Variants in SNX30 observed in about 807,000 individuals in gnomAD.
SNX30 encodes the protein sorting nexin-30.
In SNX30, 24 loss-of-function variants were observed where a neutral mutation model predicts 46.4. The ratio of observed to expected loss-of-function variants is 0.52; its 90% CI spans 0.37 to 0.73. The LOEUF (loss-of-function observed/expected upper bound fraction) is 0.73. SNX30 is among the 30% of genes least tolerant of loss of function. The pLI is 0.00. For missense variants in SNX30, 533 were observed against 555.7 expected (o/e 0.96, Z 0.41); for synonymous variants, 189 against 211.5 (o/e 0.89, Z 0.92).
At chr9:112,861,457 C>T (rs1841230349) in intron 7 of SNX30, among the ~76,000 whole-genome samples, 1 of 152,202 alleles carries the variant, frequency 6.6e-6, no homozygotes, top group African/African-American at 2.4e-5. Context: ...GAAGCTGAGG[C>T]CAGGTCCCAG....
At chr9:112,840,786 CTTT>C (rs1367432295) in intron 6 of SNX30, among the ~76,000 whole-genome samples, 1 of 134,954 alleles carries the variant, frequency 7.4e-6, no homozygotes, top group Non-Finnish European at 1.6e-5. Flanking sequence ...GCTGATATTT[CTTT>C]TTTTTTTTGA....
In SNX30 at chr9:112,868,780, C is replaced by A. The variant is rs1205570076; in HGVS notation, c.1255-4C>A. ...GATACTGTGTGTGTATGTTGTCGTT[C>A]CAGTGCCTCATGGCGTGGGAGTCGA... On this transcript the variant is annotated splice_region_variant and splice_polypyrimidine_tract_variant and intron_variant, in intron 8 of 8. Coordinates refer to ENST00000374232, the MANE Select transcript of SNX30 (RefSeq NM_001012994.2). 2 of 1,614,012 alleles carry A rather than the reference C, an allele frequency of 1.2e-6. No individual in the cohort carries two copies. Among genetic ancestry groups the A allele is most frequent in the Admixed American group, 3.3e-5 (2 of 60,026 alleles).
chr9:112,789,405 C>G (rs1839984445), intron 1 of SNX30, among the ~76,000 whole-genome samples: 1 of 152,204 alleles, frequency 6.6e-6, no homozygotes, highest in African/African-American at 2.4e-5. Context: ...TTGCCCCCAT[C>G]CATTCATGGA....
chr9:112,753,451 C>G (rs1839306224), intron 1 of SNX30, among the ~76,000 whole-genome samples: 2 of 152,182 alleles, frequency 1.3e-5, no homozygotes. Flanking sequence ...TGGCCTGATC[C>G]TGACTCACTG....
chr9:112,819,787 G>A (rs1004899805), intron 3 of SNX30, among the ~76,000 whole-genome samples: 1 of 152,160 alleles, frequency 6.6e-6, no homozygotes, highest in African/African-American at 2.4e-5. Context: ...TGTTTGGGGA[G>A]GAAACCACAG....
intron 1 of SNX30, among the ~76,000 whole-genome samples, chr9:112,755,621 A>C (rs574053912): frequency 6.6e-6 from 1 of 151,950 alleles, no homozygotes; most frequent in Admixed American, 6.6e-5. Flanking sequence ...TGAATTAGTT[A>C]GGATTCTTTA....
chr9:112,814,533 G>A (rs7868460), intron 2 of SNX30, among the ~76,000 whole-genome samples: 8,332 of 152,158 alleles, frequency 0.055, 758 homozygotes, highest in African/African-American at 0.19. Flanking sequence ...GAGCCACTGC[G>A]CCTGGCTGGA....
intron 1 of SNX30, among the ~76,000 whole-genome samples, chr9:112,789,914 G>A (rs1045805355): frequency 6.6e-6 from 1 of 152,196 alleles, no homozygotes; most frequent in African/African-American, 2.4e-5. Context: ...TGAAACAGGT[G>A]ATCTCTTAAA....
intron 1 of SNX30, among the ~76,000 whole-genome samples, chr9:112,767,124 A>ATTT (rs56245252): frequency 3.3e-5 from 5 of 149,542 alleles, no homozygotes; most frequent in Admixed American, 2.7e-4. Flanking sequence ...TAATTATTTT[A>ATTT]TTTTTTTTTT....
downstream of SNX30, among the ~76,000 whole-genome samples, chr9:112,881,930 C>T (rs1224272956): frequency 2.0e-5 from 3 of 152,022 alleles, no homozygotes; most frequent in Non-Finnish European, 2.9e-5. Flanking sequence ...AAGACCACAA[C>T]TAGTTGGGTG....
At chr9:112,862,211 C>G (rs1156536490) in intron 7 of SNX30, among the ~76,000 whole-genome samples, 1 of 152,234 alleles carries the variant, frequency 6.6e-6, no homozygotes. Context: ...ACCTGGGAAT[C>G]TTTCCTCTGT....
chr9:112,809,413 C>T (rs1015868693), intron 2 of SNX30, among the ~76,000 whole-genome samples: 1 of 152,056 alleles, frequency 6.6e-6, no homozygotes, highest in African/African-American at 2.4e-5. Flanking sequence ...GGGATGGCCC[C>T]GATACCCAGC....
intron 8 of SNX30, among the ~76,000 whole-genome samples, chr9:112,865,003 ACC>A (rs58852534): frequency 0.032 from 2,722 of 85,432 alleles, 76 homozygotes; most frequent in African/African-American, 0.11. Flanking sequence ...ACACACACAC[ACC>A]CACACACCCC....
At chr9:112,867,312 A>C (rs867293216) in intron 8 of SNX30, among the ~76,000 whole-genome samples, 29 of 79,266 alleles carry the variant, frequency 3.7e-4, no homozygotes, top group Admixed American at 7.6e-4. Flanking sequence ...AACTCCTCCC[A>C]CCTCCTCAGA....
chr9:112,838,333 G>C (rs1441130970), intron 5 of SNX30, among the ~76,000 whole-genome samples, 165 bp from the exon 6 acceptor site: 2 of 152,226 alleles, frequency 1.3e-5, no homozygotes, highest in African/African-American at 4.8e-5. Context: ...TTAAGCAGTT[G>C]TGCTAGAAAC....
chr9:112,754,711 C>G (rs1401676285), intron 1 of SNX30, among the ~76,000 whole-genome samples: 1 of 152,144 alleles, frequency 6.6e-6, no homozygotes, highest in African/African-American at 2.4e-5. Flanking sequence ...CCTTATATGG[C>G]TATCTCCATC....
intron 7 of SNX30, among the ~76,000 whole-genome samples, chr9:112,859,617 T>C (rs1171990746): frequency 6.6e-6 from 1 of 152,160 alleles, no homozygotes; most frequent in African/African-American, 2.4e-5. Flanking sequence ...TACCAACGCT[T>C]ATCTATTTTT....
At chr9:112,814,380 A>G (rs1383713158) in intron 2 of SNX30, among the ~76,000 whole-genome samples, 1 of 152,106 alleles carries the variant, frequency 6.6e-6, no homozygotes, top group African/African-American at 2.4e-5. Flanking sequence ...AGCAGGGACT[A>G]CAGGTGCATG....
intron 2 of SNX30, among the ~76,000 whole-genome samples, chr9:112,808,795 A>G (rs1256026722): frequency 6.6e-6 from 1 of 152,224 alleles, no homozygotes; most frequent in Admixed American, 6.5e-5. Context: ...AAATGCCAGT[A>G]AGCATGCTTT....
Sources: allele counts gnomAD v4.1 joint callset (sites outside exome capture counted in the v4.1 genomes callset), GRCh38; gene constraint gnomAD v4.1.1; transcripts MANE v1.5; gene names NCBI Gene and HGNC (gene_info 2026-07-23, HGNC 2026-07-21).